NDRG4: variants seen among roughly 807,000 people sequenced by gnomAD.
NDRG4 encodes NDRG family member 4.
A neutral mutation model predicts 55.8 loss-of-function variants in NDRG4; 38 were observed. The observed-to-expected ratio is 0.68, with a 90% CI of 0.53 to 0.89. The LOEUF (loss-of-function observed/expected upper bound fraction) is 0.89. Ranked by LOEUF, NDRG4 falls within the 40% of genes least tolerant of loss-of-function variation. The probability of loss-of-function intolerance (pLI) is 0.00; values close to 1 mark genes in which losing one functional copy is unlikely to be tolerated. For missense variants in NDRG4, 455 were observed against 468.6 expected (o/e 0.97, Z 0.27); for synonymous variants, 190 against 182.7 (o/e 1.04, Z -0.32).
At chr16:58,508,627 C>A (rs1488894907) in intron 10 of NDRG4, among the ~76,000 whole-genome samples, 3 of 152,210 alleles carry the variant, frequency 2.0e-5, no homozygotes, top group Non-Finnish European at 4.4e-5. Flanking sequence ...CTCTCTCAGA[C>A]CCTCGGCACC....
chr16:58,507,594 C>T (rs967723534), intron 8 of NDRG4: 12 of 560,292 alleles, frequency 2.1e-5, no homozygotes, highest in Admixed American at 1.5e-4. Context: ...GGTGGCGGTG[C>T]GCATGGCTCT....
chr16:58,485,151 G>A (rs939607642), intron 1 of NDRG4, among the ~76,000 whole-genome samples: 1 of 152,044 alleles, frequency 6.6e-6, no homozygotes, highest in Non-Finnish European at 1.5e-5. Context: ...CCAAAGTGCT[G>A]AGATTACAGG....
intron 2 of NDRG4, among the ~76,000 whole-genome samples, chr16:58,490,995 G>A (rs1221707052): frequency 2.7e-5 from 4 of 147,658 alleles, no homozygotes; most frequent in Admixed American, 6.8e-5. Flanking sequence ...AATAAAAGCC[G>A]GCCGGGCATG....
exon 3 of NDRG4, chr16:58,494,971 C>A: frequency 6.2e-7 from 1 of 1,613,704 alleles, no homozygotes; most frequent in Non-Finnish European, 8.5e-7. Flanking sequence ...TAGGAGAGCT[C>A]CGATGCCTTC....
chr16:58,475,020 T>C (rs1321344422), intron 1 of NDRG4, among the ~76,000 whole-genome samples: 1 of 152,218 alleles, frequency 6.6e-6, no homozygotes, highest in African/African-American at 2.4e-5. Flanking sequence ...AGTAAGGGGC[T>C]TTCCGTGACA....
Position 58,475,603 on chromosome 16 carries a change from C to G in NDRG4, c.-24+11806C>G, listed in dbSNP as rs75796039. ...AAGATAAAAGTATTTTTTTCTCTCT[C>G]ATAACCAGGATCTCAAAATAGAGGA... On this transcript the variant is annotated intron_variant, in intron 1 of 15. Transcript: ENST00000258187. The G allele has an allele frequency of 7.9e-3, 3,588 of 455,770 alleles. 102 individuals are homozygous for G. Among genetic ancestry groups the G allele is most frequent in the African/African-American group, 0.058 (2,922 of 50,110 alleles). 28.2% of individuals were successfully genotyped at this position (455,770 alleles called of 1,614,324 possible).
In NDRG4 at chr16:58,511,597, A is replaced by C. The variant is rs1057240817; in HGVS notation, c.*21A>C. ...GTTGAAGCCCTTGATCCCGCTGACG[A>C]CGCCCACGTCGAGGCCCCACCGCCA... is the stretch of plus-strand genomic sequence containing the variant. On this transcript the variant is annotated 3_prime_UTR_variant, in exon 15 of 15. Transcript: ENST00000570248. 6.2e-6 allele frequency: 10 copies of C among 1,612,780 alleles called. No homozygotes were observed. The highest frequency in any genetic ancestry group is 5.3e-5 in the African/African-American group (4 of 74,966).
chr16:58,488,552 C>A (rs1204129049), intron 2 of NDRG4, among the ~76,000 whole-genome samples: 1 of 152,144 alleles, frequency 6.6e-6, no homozygotes, highest in Non-Finnish European at 1.5e-5. Context: ...GGGGTCCCTG[C>A]AAGTTATGCT....
rs1472743701 is a variant in NDRG4 at position 58,510,694 on chromosome 16, G to A, written c.904+11G>A. On this transcript the variant is annotated intron_variant, in intron 14 of 14. Transcript: ENST00000570248. ...TGAGTGGAGGAGCAGGTAGCCCCAC[G>A]GCCCTTCCCCTGATGCATGGACGCC... 21 of 1,535,660 alleles carry A rather than the reference G, an allele frequency of 1.4e-5. No individual in the cohort carries two copies. The highest frequency in any genetic ancestry group is 5.5e-5 in the African/African-American group (4 of 72,976).
chr16:58,477,978 G>A (rs560510174), intron 1 of NDRG4, among the ~76,000 whole-genome samples: 1 of 152,234 alleles, frequency 6.6e-6, no homozygotes, highest in Admixed American at 6.5e-5. Flanking sequence ...AACTGAGAAG[G>A]GCACCTCCTT....
chr16:58,472,050 G>C (rs2032919045), intron 1 of NDRG4: 1 of 152,266 alleles, frequency 6.6e-6, no homozygotes, highest in Admixed American at 6.5e-5. Flanking sequence ...GTGTTCTGGA[G>C]GATAAATGTG....
At position 58,512,399 on chromosome 16, in the gene NDRG4, G is replaced by A. The variant is rs1597365214; in HGVS notation, c.*823G>A. On this transcript the variant is annotated 3_prime_UTR_variant, in exon 15 of 15. Coordinates refer to ENST00000570248, the MANE Select transcript of NDRG4 (RefSeq NM_001242835.2). ...TGTGTGCCCCTGAGAACTTCGTGGT[G>A]ACTGCCTTTGGGAGCCCGCAGGTGG... is the stretch of plus-strand genomic sequence containing the variant. 4.0e-6 allele frequency: 1 copy of A among 248,188 alleles called. No individual in the cohort carries two copies. Among genetic ancestry groups the A allele is most frequent in the South Asian group, 3.8e-5 (1 of 26,626 alleles). The allele number at this position is 248,188 out of a possible 1,614,324, so 15.4% of individuals were successfully genotyped here.
At chr16:58,493,782 G>C (rs186932867) in intron 2 of NDRG4, among the ~76,000 whole-genome samples, 1 of 152,324 alleles carries the variant, frequency 6.6e-6, no homozygotes, top group Admixed American at 6.5e-5. Context: ...CAGAACCTGT[G>C]AGTTCTCCTT....
chr16:58,482,598 A>G (rs2034538889), intron 1 of NDRG4, among the ~76,000 whole-genome samples: 1 of 151,314 alleles, frequency 6.6e-6, no homozygotes, highest in African/African-American at 2.4e-5. Context: ...TCTCCGATGT[A>G]TTTTCATTTT....
chr16:58,473,723 C>G (rs1313115866), intron 1 of NDRG4, among the ~76,000 whole-genome samples: 2 of 152,160 alleles, frequency 1.3e-5, no homozygotes, highest in Non-Finnish European at 2.9e-5. Flanking sequence ...ACCTCCTGCA[C>G]TCCCGCTGTG....
chr16:58,506,585 G>A lies in NDRG4; in HGVS notation c.487G>A (p.Asp163Asn), dbSNP rs757000349. The stretch of plus-strand genomic sequence containing the variant: ...CTCCGGCCTAACTAGCACTTTACCC[G>A]ACACGGTGCTCTCCCACCTCTTCAG... Reference protein sequence around the residue: ...KLSGLTSTLPDTVLSHLFSQE... With the variant: ...KLSGLTSTLPNTVLSHLFSQE... Residue 163 changes from aspartate to asparagine, a missense_variant, in exon 7 of 15, where the codon GAC becomes AAC. Coordinates refer to ENST00000570248, the MANE Select transcript of NDRG4 (RefSeq NM_001242835.2). 1.3e-5 allele frequency: 21 copies of A among 1,574,608 alleles called. No homozygotes were observed. Among genetic ancestry groups the A allele is most frequent in the Admixed American group, 7.9e-5 (4 of 50,514 alleles).
chr16:58,482,216 C>T (rs1312395215), intron 1 of NDRG4, among the ~76,000 whole-genome samples: 1 of 152,268 alleles, frequency 6.6e-6, no homozygotes, highest in South Asian at 2.1e-4. Flanking sequence ...AATAATGGGA[C>T]CTTATAACTC....
In NDRG4 at chr16:58,481,471, C is replaced by T. The variant is rs74019888; in HGVS notation, c.-23-6285C>T. On this transcript the variant is annotated intron_variant, in intron 1 of 15. Coordinates refer to the NDRG4 transcript ENST00000258187. ...GGGGGTGCGTGCGTGTGTGTGTGCGCGCGCATGCAGGGTGGTGGTGTGGTT... is the reference window on the plus strand; with the variant it reads ...GGGGGTGCGTGCGTGTGTGTGTGCGTGCGCATGCAGGGTGGTGGTGTGGTT... Among the ~76,000 whole-genome samples, 833 of 151,974 alleles carry T rather than the reference C, an allele frequency of 5.5e-3. 7 individuals carry two copies. The highest frequency in any genetic ancestry group is 0.019 in the African/African-American group (794 of 41,422).
Position 58,465,370 on chromosome 16 carries a change from A to C in NDRG4, c.-24+1573A>C, listed in dbSNP as rs115111921. 794 of 361,066 alleles carry C rather than the reference A, an allele frequency of 2.2e-3. 3 individuals are homozygous for C. Among genetic ancestry groups the C allele is most frequent in the African/African-American group, 0.016 (749 of 46,822 alleles). 22.4% of individuals were successfully genotyped at this position (361,066 alleles called of 1,614,324 possible). A position where few individuals can be genotyped will look rare whatever the true frequency, so the allele number is the denominator to read the frequency against. On this transcript the variant is annotated intron_variant, in intron 1 of 15. Coordinates refer to the NDRG4 transcript ENST00000258187. ...AGCCGTCTGTGGGTGCGCTCAGGAA[A>C]CGGTGGAATCCGAGTCGGGGGCAGC...
Sources: allele counts gnomAD v4.1 joint callset (sites outside exome capture counted in the v4.1 genomes callset), GRCh38; gene constraint gnomAD v4.1.1; transcripts MANE v1.5; gene names NCBI Gene and HGNC (gene_info 2026-07-23, HGNC 2026-07-21).